The following TRPV4 variants were observed in gnomAD, a reference collection of about 807,000 sequenced individuals.
TRPV4 encodes OSM9-like transient receptor potential channel 4.
TRPV4 carries 58 observed loss-of-function variants against 84.1 expected under a neutral mutation model. That is an observed-to-expected ratio of 0.69 (90% CI 0.56 to 0.86). The LOEUF (loss-of-function observed/expected upper bound fraction) is 0.86, where lower values mean the gene tolerates loss of function less well. Ranked by LOEUF, TRPV4 falls within the 40% of genes least tolerant of loss-of-function variation. The pLI is 0.00. For missense variants in TRPV4, 879 were observed against 1,181.1 expected (o/e 0.74, Z 3.75); for synonymous variants, 489 against 500.9 (o/e 0.98, Z 0.32).
At chr12:109,809,504 C>T (rs1054142214) in intron 2 of TRPV4, among the ~76,000 whole-genome samples, 3 of 151,222 alleles carry the variant, frequency 2.0e-5, no homozygotes, top group Non-Finnish European at 4.4e-5. Context: ...TCCACTCACT[C>T]CTCCATCTGT....
rs1212251889 is a variant in TRPV4 at position 109,783,447 on chromosome 12, G to C, written c.*174C>G. On this transcript the variant is annotated 3_prime_UTR_variant, in exon 16 of 16. Coordinates refer to ENST00000261740, the MANE Select transcript of TRPV4 (RefSeq NM_021625.5). The surrounding 1 kb of genome is among the most constrained non-coding windows in gnomAD (Gnocchi z 4.6). ...CAGGTGGCCGGGAGCCCCCACCCCA[G>C]GGTGGGGAGGCAGAGCCAGGGGACC... is the stretch of plus-strand genomic sequence containing the variant. 1 of 842,860 alleles carries C rather than the reference G, an allele frequency of 1.2e-6. No individual in the cohort carries two copies. Among genetic ancestry groups the C allele is most frequent in the African/African-American group, 1.7e-5 (1 of 58,342 alleles). The allele number at this position is 842,860 out of a possible 1,614,324, so 52.2% of individuals were successfully genotyped here.
rs546319938 is a variant in TRPV4 at position 109,814,955 on chromosome 12, C to T, written c.-31-128G>A. The T allele has an allele frequency of 6.1e-5, 54 of 881,908 alleles. No homozygotes were observed. The highest frequency in any genetic ancestry group is 8.9e-5 in the Non-Finnish European group (52 of 586,638). 54.6% of individuals were successfully genotyped at this position (881,908 alleles called of 1,614,324 possible). A position where few individuals can be genotyped will look rare whatever the true frequency, so the allele number is the denominator to read the frequency against. ...AAAGCCACCGTTGTAATGACAGGGGCACAGGGAGGCCACTCCCAGATGTGG... is the reference window on the plus strand; with the variant it reads ...AAAGCCACCGTTGTAATGACAGGGGTACAGGGAGGCCACTCCCAGATGTGG... On this transcript the variant is annotated intron_variant, in intron 1 of 15. Coordinates refer to ENST00000261740, the MANE Select transcript of TRPV4 (RefSeq NM_021625.5). This position sits in a 1 kb window ranked among gnomAD's most constrained non-coding sequence, Gnocchi z 5.4.
intron 1 of TRPV4, among the ~76,000 whole-genome samples, chr12:109,829,762 C>A (rs1019952506): frequency 6.6e-6 from 1 of 152,190 alleles, no homozygotes; most frequent in Admixed American, 6.5e-5. Flanking sequence ...GCTCCTCCAG[C>A]GGGGAATAGC....
At chr12:109,809,655 A>C (rs1891401700) in intron 2 of TRPV4, among the ~76,000 whole-genome samples, 1 of 146,694 alleles carries the variant, frequency 6.8e-6, no homozygotes, top group African/African-American at 2.6e-5. Flanking sequence ...CCACCCACCC[A>C]TCCATCCATC....
At chr12:109,813,310 G>A (rs991955004) in intron 2 of TRPV4, among the ~76,000 whole-genome samples, 1 of 152,160 alleles carries the variant, frequency 6.6e-6, no homozygotes, top group Non-Finnish European at 1.5e-5. Flanking sequence ...TACTCGGGAG[G>A]CTGAGACTGG....
At chr12:109,790,414 G>A (rs1301435968) in intron 12 of TRPV4, among the ~76,000 whole-genome samples, 1 of 152,218 alleles carries the variant, frequency 6.6e-6, no homozygotes, top group Non-Finnish European at 1.5e-5. Flanking sequence ...CATGACCCAT[G>A]CCACTGAGGT....
intron 1 of TRPV4, among the ~76,000 whole-genome samples, chr12:109,820,656 G>A (rs1892065108): frequency 6.6e-6 from 1 of 151,568 alleles, no homozygotes; most frequent in Non-Finnish European, 1.5e-5. Context: ...TGAGTAGCTG[G>A]GACTACAGGC....
rs749550335 is a variant in TRPV4 at position 109,808,400 on chromosome 12, G to A, written c.455C>T (p.Pro152Leu). ...PPPILKVFNR[P>L]ILFDIVSRGS... is the part of the protein sequence containing the mutation. ...CCGGGACACGATGTCAAAGAGGATA[G>A]GCCGGTTGAAGACTTTGAGGATGGG... The change falls in exon 3 of 16, where the codon CCT becomes CTT. Residue 152 changes from proline (P) to leucine (L), a missense_variant. Physicochemically the swap from Pro to Leu is moderately conservative, Grantham distance 98. Around this residue, in one of 4 missense-constraint regions of TRPV4, gnomAD observed 521 missense variants for 686.6 expected, o/e 0.76. Transcript: ENST00000261740. The A allele has an allele frequency of 1.2e-6, 2 of 1,614,208 alleles. No homozygotes were observed. Among genetic ancestry groups the A allele is most frequent in the Non-Finnish European group, 1.7e-6 (2 of 1,180,032 alleles).
chr12:109,820,775 A>G (rs1450906896), intron 1 of TRPV4, among the ~76,000 whole-genome samples: 2 of 151,920 alleles, frequency 1.3e-5, no homozygotes, highest in Non-Finnish European at 2.9e-5. Flanking sequence ...CGCCTGCCTC[A>G]GCCTCCCAAA....
At chr12:109,790,245 G>A (rs933943161) in intron 12 of TRPV4, among the ~76,000 whole-genome samples, 10 of 152,276 alleles carry the variant, frequency 6.6e-5, no homozygotes, top group African/African-American at 1.4e-4. Flanking sequence ...TGCCAGGCTC[G>A]TCCCCAGATG....
chr12:109,784,482 G>A (rs763582664), intron 14 of TRPV4, 45 bp from the exon 15 acceptor site: 60 of 1,613,606 alleles, frequency 3.7e-5, no homozygotes, highest in Non-Finnish European at 4.7e-5. Flanking sequence ...CCTCAGAGAC[G>A]CTCTCCATGC....
At chr12:109,817,224 C>G (rs1007806890) in intron 1 of TRPV4, among the ~76,000 whole-genome samples, 1 of 152,142 alleles carries the variant, frequency 6.6e-6, no homozygotes, top group African/African-American at 2.4e-5. Context: ...TGCAGGGGCA[C>G]AGGCATTGGC....
intron 1 of TRPV4, among the ~76,000 whole-genome samples, chr12:109,829,384 A>G (rs1007195960): frequency 1.3e-5 from 2 of 152,234 alleles, no homozygotes; most frequent in African/African-American, 2.4e-5. Flanking sequence ...CTCCAGCCCT[A>G]GTTTTTAAGC....
intron 1 of TRPV4, among the ~76,000 whole-genome samples, chr12:109,825,895 C>A (rs1236966415): frequency 1.3e-5 from 2 of 152,172 alleles, no homozygotes; most frequent in Admixed American, 1.3e-4. Context: ...CACCTCAACA[C>A]CAGTCTGTGC....
At chr12:109,806,495 G>A (rs12301730) in intron 3 of TRPV4, among the ~76,000 whole-genome samples, 15,031 of 150,574 alleles carry the variant, frequency 0.1, 1,010 homozygotes, top group African/African-American at 0.19. Context: ...ATGAGCCACC[G>A]CACCCGGCCC....
chr12:109,814,461 G>T lies in TRPV4; in HGVS notation c.336C>A (p.Thr112=), dbSNP rs969086736. Residue 112 remains threonine (T), a synonymous_variant, in exon 2 of 16, where the codon ACC becomes ACA. Coordinates refer to ENST00000261740, the MANE Select transcript of TRPV4 (RefSeq NM_021625.5). This position sits in a 1 kb window ranked among gnomAD's most constrained non-coding sequence, Gnocchi z 5.4. ...TGTTGTCACTGGAGTGGTGACGATA[G>T]GTGCCGTAGTCAAACAGTGAGTCCA... The part of the protein sequence containing the change: ...APMDSLFDYG[T]YRHHSSDNKR... 6.2e-7 allele frequency: 1 copy of T among 1,614,186 alleles called. No individual in the cohort carries two copies. The highest frequency in any genetic ancestry group is 8.5e-7 in the Non-Finnish European group (1 of 1,180,018).
At chr12:109,821,322 G>A in intron 1 of TRPV4, among the ~76,000 whole-genome samples, 1 of 152,212 alleles carries the variant, frequency 6.6e-6, no homozygotes, top group East Asian at 1.9e-4. Context: ...CAGGAGGGAA[G>A]GCTGATGGCT....
intron 12 of TRPV4, among the ~76,000 whole-genome samples, chr12:109,789,923 A>G (rs1277423202): frequency 6.6e-6 from 1 of 152,216 alleles, no homozygotes; most frequent in African/African-American, 2.4e-5. Flanking sequence ...TGTCAGCCTC[A>G]GAATTGAGAT....
intron 7 of TRPV4, among the ~76,000 whole-genome samples, chr12:109,795,838 C>T (rs946898668): frequency 4.6e-5 from 7 of 152,108 alleles, no homozygotes; most frequent in African/African-American, 1.7e-4. Flanking sequence ...GCCTCGACCT[C>T]CCCAGGCTCA....
Sources: allele counts gnomAD v4.1 joint callset (sites outside exome capture counted in the v4.1 genomes callset), GRCh38; gene constraint gnomAD v4.1.1; regional missense constraint gnomAD v4.1.1; non-coding constraint Gnocchi (gnomAD v3.1); transcripts MANE v1.5; gene names NCBI Gene and HGNC (gene_info 2026-07-23, HGNC 2026-07-21).